The following TLN2 variants were observed in gnomAD, a reference collection of about 807,000 sequenced individuals.
TLN2 encodes talin-2.
TLN2 carries 118 observed loss-of-function variants against 294.7 expected under a neutral mutation model. That is an observed-to-expected ratio of 0.40 (90% CI 0.34 to 0.47). TLN2 has a LOEUF of 0.47. Ranked by LOEUF, TLN2 falls within the 20% of genes least tolerant of loss-of-function variation. The pLI, the probability that TLN2 is intolerant of heterozygous loss-of-function variation, is 0.84. For missense variants in TLN2, 3,083 were observed against 3,282.2 expected, an observed-to-expected ratio of 0.94 and a Z score of 1.48; for synonymous variants, 1,431 against 1,304.5, an observed-to-expected ratio of 1.10 and a Z score of -2.09.
rs759212305 is a variant in TLN2 at position 62,701,227 on chromosome 15, G to A, written c.1696+13G>A. On this transcript the variant is annotated intron_variant, in intron 17 of 58. Transcript: ENST00000636159. ...AACCTCACAGCTGGTAAGTCCCGGA[G>A]AGATTTGTGCTGCATTGGGGTTTTG... The A allele has an allele frequency of 6.2e-7, 1 of 1,606,030 alleles. No individual in the cohort carries two copies. The highest frequency in any genetic ancestry group is 1.1e-5 in the South Asian group (1 of 90,434).
chr15:62,752,456 T>G (rs761952971), intron 35 of TLN2, 29 bp downstream of exon 35: 9 of 1,611,160 alleles, frequency 5.6e-6, no homozygotes, highest in Non-Finnish European at 2.5e-6. Context: ...TGCAGCCATG[T>G]GCCCTGTGCC....
chr15:62,521,058 A>C (rs2040432931), intron 1 of TLN2, among the ~76,000 whole-genome samples: 1 of 152,182 alleles, frequency 6.6e-6, no homozygotes, highest in South Asian at 2.1e-4. Flanking sequence ...TTACAGTGTC[A>C]TTCCTTTGTC....
At chr15:62,754,106 T>A in intron 36 of TLN2, 190 bp downstream of exon 36, 1 of 791,280 alleles carries the variant, frequency 1.3e-6, no homozygotes, top group Non-Finnish European at 1.8e-6. Flanking sequence ...TGGAAATTTG[T>A]AAGTGCCTTG....
At chr15:62,511,215 G>A (rs1252992513) in intron 1 of TLN2, among the ~76,000 whole-genome samples, 2 of 152,210 alleles carry the variant, frequency 1.3e-5, no homozygotes, top group Non-Finnish European at 2.9e-5. Flanking sequence ...ACATATGAAC[G>A]TGGTAAAATA....
chr15:62,744,864 C>G (rs990463343), intron 32 of TLN2, among the ~76,000 whole-genome samples: 1 of 152,170 alleles, frequency 6.6e-6, no homozygotes, highest in Non-Finnish European at 1.5e-5. Context: ...TTTTTAATCT[C>G]TGTGCCTTGA....
At chr15:62,635,539 A>C (rs938604324) in intron 3 of TLN2, among the ~76,000 whole-genome samples, 1 of 152,240 alleles carries the variant, frequency 6.6e-6, no homozygotes, top group African/African-American at 2.4e-5. Context: ...ATATGCATAC[A>C]TATTGGAAGG....
At chr15:62,832,652 C>T (rs111429006) in intron 54 of TLN2, 15 of 152,354 alleles carry the variant, frequency 9.8e-5, no homozygotes, top group East Asian at 3.9e-4. Context: ...TCCCGTGCCT[C>T]GGGTGTCCAG....
At chr15:62,729,072 C>T (rs557210036) in intron 28 of TLN2, among the ~76,000 whole-genome samples, 33 of 152,280 alleles carry the variant, frequency 2.2e-4, no homozygotes, top group African/African-American at 7.9e-4. Flanking sequence ...ATCCATTTGA[C>T]CCAGCACCAC....
chr15:62,402,749 A>G (rs1480747485), intron 1 of TLN2, among the ~76,000 whole-genome samples: 1 of 152,188 alleles, frequency 6.6e-6, no homozygotes, highest in Non-Finnish European at 1.5e-5. Context: ...TTTCACTGAG[A>G]GAAGAAGCAA....
intron 1 of TLN2, among the ~76,000 whole-genome samples, chr15:62,406,986 C>G (rs289143): frequency 0.26 from 39,240 of 151,986 alleles, 5,531 homozygotes; most frequent in Middle Eastern, 0.5. Context: ...ACAATTCAAC[C>G]TGTAACACAA....
chr15:62,802,116 G>A (rs1226872013), intron 50 of TLN2, among the ~76,000 whole-genome samples: 2 of 143,080 alleles, frequency 1.4e-5, no homozygotes, highest in African/African-American at 2.6e-5. Flanking sequence ...TCCCACTTCC[G>A]TACTACCCTT....
chr15:62,545,355 A>G (rs529929311), intron 1 of TLN2, among the ~76,000 whole-genome samples: 28 of 152,318 alleles, frequency 1.8e-4, no homozygotes, highest in African/African-American at 6.7e-4. Flanking sequence ...GAAACAACAC[A>G]AAAAGTCCAC....
At chr15:62,623,740 C>T (rs549217314) in intron 3 of TLN2, among the ~76,000 whole-genome samples, 2 of 152,292 alleles carry the variant, frequency 1.3e-5, no homozygotes, top group South Asian at 4.1e-4. Context: ...TGATCCAGAA[C>T]CTATTTCCCT....
rs2063320156 is a variant in TLN2, at chr15:62,770,979, A to G, written c.5212A>G (p.Ser1738Gly). The change falls in exon 42 of 59, where the codon AGC becomes GGC. Residue 1738 changes from serine (S) to glycine (G), a missense_variant. Ser to Gly is a moderately conservative substitution (Grantham distance 56). Coordinates refer to ENST00000636159, the MANE Select transcript of TLN2 (RefSeq NM_015059.3). Reference protein sequence around the residue: ...QLGHKVTQLASYFEPLILAAV... With the variant: ...QLGHKVTQLAGYFEPLILAAV... ...TTTTTGAAAGGTGACACAACTGGCA[A>G]GCTATTTTGAGCCCTTGATCTTAGC... The G allele has an allele frequency of 1.3e-6, 2 of 1,596,394 alleles. No individual in the cohort carries two copies. Among genetic ancestry groups the G allele is most frequent in the Non-Finnish European group, 1.7e-6 (2 of 1,174,638 alleles).
chr15:62,734,617 T>C (rs1164390734), intron 28 of TLN2, among the ~76,000 whole-genome samples: 1 of 152,264 alleles, frequency 6.6e-6, no homozygotes, highest in East Asian at 1.9e-4. Flanking sequence ...GTGCTTTCTC[T>C]TCTGGGCTTC....
chr15:62,620,050 A>C (rs570294787), intron 3 of TLN2, among the ~76,000 whole-genome samples: 1 of 152,212 alleles, frequency 6.6e-6, no homozygotes, highest in East Asian at 1.9e-4. Flanking sequence ...CTTATGGCTC[A>C]CTTCAGACTC....
Position 62,655,948 on chromosome 15 carries a change from T to C in TLN2, c.522T>C (p.Asn174=). The change falls in exon 8 of 59, where the codon AAT becomes AAC. Residue 174 remains asparagine (N), a synonymous_variant. Coordinates refer to ENST00000636159, the MANE Select transcript of TLN2 (RefSeq NM_015059.3). ...KAKLHTDDDL[N]WLDHSRTFRE... Reference sequence around the variant, plus strand: ...ATATGTCTTGTTGTGTTGCAGTAAATTGGCTGGATCACAGCCGAACATTCA... The same window carrying C: ...ATATGTCTTGTTGTGTTGCAGTAAACTGGCTGGATCACAGCCGAACATTCA... 1 of 1,614,210 alleles carries C rather than the reference T, an allele frequency of 6.2e-7. No individual in the cohort carries two copies.
chr15:62,752,949 C>T (rs1044540635), intron 35 of TLN2, among the ~76,000 whole-genome samples: 1 of 152,116 alleles, frequency 6.6e-6, no homozygotes, highest in Non-Finnish European at 1.5e-5. Flanking sequence ...TACTTTAAAG[C>T]GTTCATCATT....
chr15:62,838,687 T>G (rs2070132964), intron 57 of TLN2, among the ~76,000 whole-genome samples, 169 bp from the exon 58 acceptor site: 1 of 148,702 alleles, frequency 6.7e-6, no homozygotes, highest in Non-Finnish European at 1.5e-5. Context: ...GTTGGCAGAA[T>G]CCACGGATGG....
Sources: gnomAD v4.1 joint callset for allele counts (sites outside exome capture counted in the v4.1 genomes callset) on GRCh38, gnomAD v4.1.1 for gene constraint, MANE v1.5 for transcripts, NCBI Gene and HGNC (gene_info 2026-07-23, HGNC 2026-07-21) for gene names.